The following VEPH1 variants were observed in gnomAD, a reference collection of about 807,000 sequenced individuals.
The protein encoded by VEPH1 is ventricular zone expressed PH domain containing 1.
Under a neutral mutation model 85.2 loss-of-function variants are expected in VEPH1, and 80 were observed. The observed-to-expected ratio is 0.94, with a 90% CI of 0.78 to 1.13. The LOEUF (loss-of-function observed/expected upper bound fraction) is 1.13, where lower values mean the gene tolerates loss of function less well. Ranked by LOEUF, VEPH1 falls within the 50% of genes most tolerant of loss-of-function variation. VEPH1 has a pLI of 0.00. For synonymous variants in VEPH1, 297 were observed against 348.0 expected (o/e 0.85, Z 1.63); for missense variants, 955 against 980.5 (o/e 0.97, Z 0.35).
intron 7 of VEPH1, among the ~76,000 whole-genome samples, chr3:157,365,187 C>T (rs1212279646): frequency 6.6e-6 from 1 of 152,140 alleles, no homozygotes; most frequent in East Asian, 1.9e-4. Context: ...AGAATAAGCA[C>T]CTACAAATAA....
chr3:157,460,692 T>A (rs1735785118), intron 3 of VEPH1, among the ~76,000 whole-genome samples: 1 of 152,088 alleles, frequency 6.6e-6, no homozygotes, highest in Non-Finnish European at 1.5e-5. Flanking sequence ...TGGGACCTCA[T>A]GGATGAATAA....
At chr3:157,301,094 T>C (rs542105757) in intron 11 of VEPH1, among the ~76,000 whole-genome samples, 116 of 152,370 alleles carry the variant, frequency 7.6e-4, no homozygotes, top group African/African-American at 2.6e-3. Flanking sequence ...ATCCATCTTT[T>C]GCTTAAGCTG....
chr3:157,300,247 T>C (rs1317263392), intron 11 of VEPH1, among the ~76,000 whole-genome samples: 1 of 152,192 alleles, frequency 6.6e-6, no homozygotes, highest in Non-Finnish European at 1.5e-5. Flanking sequence ...CAACCACTAT[T>C]AGATTAGAAC....
chr3:157,321,730 A>G (rs1721372969), intron 9 of VEPH1, among the ~76,000 whole-genome samples: 1 of 152,126 alleles, frequency 6.6e-6, no homozygotes, highest in Non-Finnish European at 1.5e-5. Flanking sequence ...TCTGTCCTTG[A>G]GTTTCTTATC....
intron 4 of VEPH1, among the ~76,000 whole-genome samples, chr3:157,455,898 G>A (rs1332913233): frequency 1.3e-5 from 2 of 152,184 alleles, no homozygotes; most frequent in African/African-American, 2.4e-5. Context: ...ATGTGTGCAT[G>A]TGTCTTTATG....
intron 6 of VEPH1, among the ~76,000 whole-genome samples, chr3:157,408,363 T>G (rs991415571): frequency 6.6e-6 from 1 of 152,112 alleles, no homozygotes; most frequent in African/African-American, 2.4e-5. Flanking sequence ...CTCTCCACAC[T>G]AATATTTCCT....
At chr3:157,428,537 A>C in intron 4 of VEPH1, 49 bp from the exon 5 acceptor site, 1 of 1,548,882 alleles carries the variant, frequency 6.5e-7, no homozygotes, top group Non-Finnish European at 8.8e-7. Context: ...GGCCATGAGC[A>C]ACAGAAATAA....
rs1170711720 is a variant in VEPH1 at position 157,369,192 on chromosome 3, A to AACAAAACAAAAAAAAAAAAAC, written c.1128-4681_1128-4680insGTTTTTTTTTTTTTGTTTTGT. On this transcript the variant is annotated intron_variant, in intron 7 of 13. Coordinates refer to ENST00000362010, the MANE Select transcript of VEPH1 (RefSeq NM_001167912.2). The stretch of plus-strand genomic sequence containing the variant: ...ACAAAAACCAAATGAAAAAAAAAAA[A>AACAAAACAAAAAAAAAAAAAC]AAAAAAAAAAAACCTCCTGAGGTCT... Among the ~76,000 whole-genome samples the AACAAAACAAAAAAAAAAAAAC allele has an allele frequency of 3.5e-5, 5 of 142,782 alleles. No individual in the cohort carries two copies. In the South Asian group the frequency reaches 1.2e-3, roughly 35 times the overall value. 93.7% of individuals were successfully genotyped at this position (142,782 alleles called of 152,430 possible).
At chr3:157,421,536 G>A (rs568224216) in intron 5 of VEPH1, among the ~76,000 whole-genome samples, 1 of 152,324 alleles carries the variant, frequency 6.6e-6, no homozygotes, top group East Asian at 1.9e-4. Context: ...GCTTCAGTCT[G>A]TATTTCTGGT....
chr3:157,335,080 C>G (rs1405219795), intron 9 of VEPH1, among the ~76,000 whole-genome samples: 1 of 152,132 alleles, frequency 6.6e-6, no homozygotes, highest in Non-Finnish European at 1.5e-5. Context: ...TCACCTTCAT[C>G]AATATTATAA....
chr3:157,403,521 C>T (rs911751592), intron 6 of VEPH1, among the ~76,000 whole-genome samples: 4 of 151,972 alleles, frequency 2.6e-5, no homozygotes, highest in Admixed American at 1.3e-4. Flanking sequence ...CTCCTGGGCT[C>T]GAGTGAGTAA....
At chr3:157,383,906 T>TA (rs1319761879) in intron 6 of VEPH1, among the ~76,000 whole-genome samples, 2 of 152,120 alleles carry the variant, frequency 1.3e-5, no homozygotes, top group African/African-American at 4.8e-5. Context: ...TTTTGCAACA[T>TA]AGACTCATTT....
At chr3:157,411,641 A>T (rs1454583516) in intron 6 of VEPH1, among the ~76,000 whole-genome samples, 1 of 152,150 alleles carries the variant, frequency 6.6e-6, no homozygotes. Flanking sequence ...CGTAATCCTG[A>T]TATCCAGATA....
In VEPH1 at chr3:157,419,365, T is replaced by C. The variant is rs535985426; in HGVS notation, c.697-5275A>G. On this transcript the variant is annotated intron_variant, in intron 5 of 13. Coordinates refer to ENST00000362010, the MANE Select transcript of VEPH1 (RefSeq NM_001167912.2). The stretch of plus-strand genomic sequence containing the variant: ...AGAGCTTCTGCACAGCAAAAGAAAC[T>C]ATCATCAGAGTGAACATATAATCTA... 9.9e-5 allele frequency among the ~76,000 whole-genome samples: 15 copies of C among 152,280 alleles called. No homozygotes were observed. The East Asian group carries it at 2.7e-3, about 27-fold the overall frequency.
At chr3:157,359,860 G>A (rs1725849505) in intron 9 of VEPH1, among the ~76,000 whole-genome samples, 1 of 152,126 alleles carries the variant, frequency 6.6e-6, no homozygotes, top group Non-Finnish European at 1.5e-5. Flanking sequence ...AGGTTGTTTT[G>A]TCGTGTTCCT....
chr3:157,484,184 A>G (rs956637287), intron 2 of VEPH1, among the ~76,000 whole-genome samples: 2 of 152,230 alleles, frequency 1.3e-5, no homozygotes, highest in African/African-American at 4.8e-5. Context: ...ATGGCTGCCA[A>G]TCTAGAAATG....
At position 157,286,754 on chromosome 3, in the gene VEPH1, G is replaced by A. The variant is rs1716835795; in HGVS notation, c.2011-80C>T. ...CATTCTGAGACTGGGAGAAGGGGAT[G>A]TGGATCAGGATGGTCAATGCTCAAT... On this transcript the variant is annotated intron_variant, in intron 11 of 13. Transcript: ENST00000362010. 3.4e-6 allele frequency: 4 copies of A among 1,181,460 alleles called. No individual in the cohort carries two copies. The Admixed American group carries it at 6.8e-5, about 20-fold the overall frequency. The allele number at this position is 1,181,460 out of a possible 1,614,324, so 73.2% of individuals were successfully genotyped here. A position where few individuals can be genotyped will look rare whatever the true frequency, so the allele number is the denominator to read the frequency against.
intron 7 of VEPH1, among the ~76,000 whole-genome samples, chr3:157,379,645 A>G (rs945967560): frequency 6.6e-6 from 1 of 152,206 alleles, no homozygotes; most frequent in African/African-American, 2.4e-5. Context: ...TACTCTATCA[A>G]GATGGCTTCT....
chr3:157,478,836 TG>T (rs1737740963), intron 2 of VEPH1, among the ~76,000 whole-genome samples: 1 of 152,176 alleles, frequency 6.6e-6, no homozygotes, highest in Non-Finnish European at 1.5e-5. Flanking sequence ...GATATTACTG[TG>T]AGCCCCTTAA....
Sources: allele counts gnomAD v4.1 joint callset (sites outside exome capture counted in the v4.1 genomes callset), GRCh38; gene constraint gnomAD v4.1.1; transcripts MANE v1.5; gene names NCBI Gene and HGNC (gene_info 2026-07-23, HGNC 2026-07-21).